CPNE5: variants seen among roughly 807,000 people sequenced by gnomAD.
The protein encoded by CPNE5 is copine-5.
A neutral mutation model predicts 81.1 loss-of-function variants in CPNE5; 42 were observed. That is an observed-to-expected ratio of 0.52 (90% CI 0.40 to 0.67). CPNE5 has a LOEUF of 0.67. Among genes scored for constraint, CPNE5 ranks in the 30% least tolerant of loss-of-function variants. The pLI, the probability that CPNE5 is intolerant of heterozygous loss-of-function variation, is 0.00. For synonymous variants in CPNE5, 313 were observed against 321.5 expected (o/e 0.97, Z 0.28); for missense variants, 612 against 815.5 (o/e 0.75, Z 3.04).
chr6:36,809,752 T>C (rs1442057097), intron 3 of CPNE5, among the ~76,000 whole-genome samples: 2 of 151,884 alleles, frequency 1.3e-5, no homozygotes, highest in African/African-American at 4.8e-5. Context: ...GTCACACAGC[T>C]CATTAGGAAA....
At position 36,762,959 on chromosome 6, in the gene CPNE5, G is replaced by A; in HGVS notation, c.813C>T (p.Tyr271=). The A allele has an allele frequency of 6.2e-7, 1 of 1,614,146 alleles. No individual in the cohort carries two copies. Among genetic ancestry groups the A allele is most frequent in the Non-Finnish European group, 8.5e-7 (1 of 1,180,008 alleles). ...HDFIGEFTTS[Y]RELARGQSQF... is the part of the protein sequence containing the mutation. The stretch of plus-strand genomic sequence containing the variant: ...GGCTCTGCCCACGGGCCAGCTCCCG[G>A]TAACTGGTGGTGAACTCCCCAATGA... The change falls in exon 12 of 21, where the codon TAC becomes TAT. Residue 271 remains tyrosine, a synonymous_variant. Transcript: ENST00000244751.
At chr6:36,779,248 A>G (rs944338499) in intron 8 of CPNE5, among the ~76,000 whole-genome samples, 1 of 152,204 alleles carries the variant, frequency 6.6e-6, no homozygotes, top group African/African-American at 2.4e-5. Context: ...TCCCCTCTGG[A>G]ACATGGGGTT....
chr6:36,774,655 A>G (rs1767337731), intron 10 of CPNE5, among the ~76,000 whole-genome samples: 1 of 152,232 alleles, frequency 6.6e-6, no homozygotes, highest in Non-Finnish European at 1.5e-5. Flanking sequence ...GGCACTTCCC[A>G]TCCCCCTAAC....
chr6:36,784,740 G>A (rs939310535), intron 8 of CPNE5, among the ~76,000 whole-genome samples: 3 of 152,044 alleles, frequency 2.0e-5, no homozygotes, highest in Non-Finnish European at 2.9e-5. Context: ...CCGGGATTTC[G>A]AGACCAGCCT....
At chr6:36,759,221 G>A (rs236441) in intron 12 of CPNE5, among the ~76,000 whole-genome samples, 116,686 of 152,156 alleles carry the variant, frequency 0.77, 44,809 homozygotes, top group East Asian at 0.81. Flanking sequence ...TCCACTCTCT[G>A]ATATAACTGC....
intron 10 of CPNE5, among the ~76,000 whole-genome samples, chr6:36,774,504 T>C (rs1485351497): frequency 1.3e-5 from 2 of 152,218 alleles, no homozygotes; most frequent in Non-Finnish European, 2.9e-5. Context: ...GGCCAGGAAT[T>C]GGGACCAGCT....
At chr6:36,827,001 G>A (rs1772557068) in intron 1 of CPNE5, among the ~76,000 whole-genome samples, 2 of 152,126 alleles carry the variant, frequency 1.3e-5, no homozygotes, top group African/African-American at 4.8e-5. Context: ...TTGGCCCGGT[G>A]CTGAGTGGAG....
intron 8 of CPNE5, among the ~76,000 whole-genome samples, chr6:36,790,365 C>T (rs1768973281): frequency 6.6e-6 from 1 of 152,028 alleles, no homozygotes; most frequent in African/African-American, 2.4e-5. Context: ...ACCAGGAACC[C>T]CGAGGGATCC....
intron 3 of CPNE5, among the ~76,000 whole-genome samples, chr6:36,813,549 C>A (rs959774355): frequency 3.9e-5 from 6 of 152,114 alleles, no homozygotes. Flanking sequence ...CAAAATAAAA[C>A]CCTCAAGTAG....
chr6:36,798,359 C>G (rs529742164), intron 5 of CPNE5, 96 bp downstream of exon 5: 2 of 1,505,462 alleles, frequency 1.3e-6, no homozygotes, highest in Non-Finnish European at 1.8e-6. Context: ...GACGCAGCGT[C>G]GGACACACAT....
Position 36,798,148 on chromosome 6 carries a change from G to A in CPNE5, c.404+17C>T, listed in dbSNP as rs576391294. ...GGGAAGTTGGCCTACCACTGGGAAA[G>A]CAACCCAGACACTCACGTGAGGGGC... On this transcript the variant is annotated intron_variant, in intron 6 of 20. Coordinates refer to ENST00000244751, the MANE Select transcript of CPNE5 (RefSeq NM_020939.2). 7 of 1,609,684 alleles carry A rather than the reference G, an allele frequency of 4.3e-6. No individual in the cohort carries two copies. Among genetic ancestry groups the A allele is most frequent in the South Asian group, 1.1e-5 (1 of 90,502 alleles).
intron 3 of CPNE5, among the ~76,000 whole-genome samples, chr6:36,816,073 T>C (rs1349756809): frequency 6.6e-6 from 1 of 152,242 alleles, no homozygotes; most frequent in Non-Finnish European, 1.5e-5. Flanking sequence ...CTGCCTTAGT[T>C]AGTCTACCCA....
intron 6 of CPNE5, among the ~76,000 whole-genome samples, chr6:36,796,611 C>T (rs1285066521): frequency 3.9e-5 from 6 of 152,282 alleles, no homozygotes; most frequent in East Asian, 3.9e-4. Flanking sequence ...TATAAAATTA[C>T]GAATGAAAAC....
At position 36,744,343 on chromosome 6, in the gene CPNE5, G is replaced by T. The variant is rs1302038447; in HGVS notation, c.1432-18C>A. ...TTGGCAGCCTGGGAGACAGCATGGG[G>T]GGCAGGGAAAGGTTGGACCCAATTG... On this transcript the variant is annotated intron_variant, in intron 18 of 20. Transcript: ENST00000244751. 2 of 1,574,446 alleles carry T rather than the reference G, an allele frequency of 1.3e-6. No individual in the cohort carries two copies. The highest frequency in any genetic ancestry group is 2.3e-5 in the South Asian group (2 of 85,624).
intron 8 of CPNE5, among the ~76,000 whole-genome samples, chr6:36,779,731 G>A (rs879691527): frequency 3.3e-5 from 5 of 152,162 alleles, no homozygotes; most frequent in African/African-American, 4.8e-5. Flanking sequence ...GAGGTGTCCC[G>A]GCCCTGGTGA....
chr6:36,826,589 C>G lies in CPNE5; in HGVS notation c.96-3491G>C, dbSNP rs571346577. On this transcript the variant is annotated intron_variant, in intron 1 of 20. Coordinates refer to ENST00000244751, the MANE Select transcript of CPNE5 (RefSeq NM_020939.2). The stretch of plus-strand genomic sequence containing the variant: ...ATCGGTTGCAAAATCATGGGTGTAT[C>G]TGTCTCTCACACTGGCTGTGCATGC... Among the ~76,000 whole-genome samples, 6 of 152,298 alleles carry G rather than the reference C, an allele frequency of 3.9e-5. No homozygotes were observed. The East Asian group carries it at 9.6e-4, about 24-fold the overall frequency.
intron 12 of CPNE5, among the ~76,000 whole-genome samples, chr6:36,759,774 A>G (rs1240381383): frequency 1.3e-5 from 2 of 151,716 alleles, no homozygotes; most frequent in East Asian, 3.9e-4. Flanking sequence ...ACCCATATGA[A>G]TCGAGCCCTG....
At chr6:36,742,978 C>T (rs1763704134) in intron 20 of CPNE5, 1 of 985,284 alleles carries the variant, frequency 1.0e-6, no homozygotes, top group Admixed American at 6.1e-5. Context: ...ATCCTGAGCG[C>T]CTCTTCTGGC....
chr6:36,829,161 T>C (rs1218646292), intron 1 of CPNE5, among the ~76,000 whole-genome samples: 4 of 152,026 alleles, frequency 2.6e-5, no homozygotes, highest in Non-Finnish European at 5.9e-5. Context: ...ATAGCCTTCC[T>C]TGAGGAGAGA....
Sources: allele counts gnomAD v4.1 joint callset (sites outside exome capture counted in the v4.1 genomes callset), GRCh38; gene constraint gnomAD v4.1.1; transcripts MANE v1.5; gene names NCBI Gene and HGNC (gene_info 2026-07-23, HGNC 2026-07-21).